Variants in AKT3 observed in about 807,000 individuals in gnomAD.
AKT3 encodes the protein RAC-gamma serine/threonine-protein kinase.
AKT3 carries 15 observed loss-of-function variants against 65.3 expected under a neutral mutation model. The ratio of observed to expected loss-of-function variants is 0.23; its 90% CI spans 0.15 to 0.35. The LOEUF (loss-of-function observed/expected upper bound fraction) is 0.35. Among genes scored for constraint, AKT3 ranks in the 10% least tolerant of loss-of-function variants. The pLI is 1.00. For missense variants in AKT3, 243 were observed against 576.5 expected, an observed-to-expected ratio of 0.42 and a Z score of 5.92; for synonymous variants, 206 against 183.8, an observed-to-expected ratio of 1.12 and a Z score of -0.98.
At chr1:243,822,777 G>A (rs1374096112) in intron 2 of AKT3, among the ~76,000 whole-genome samples, 1 of 152,116 alleles carries the variant, frequency 6.6e-6, no homozygotes, top group African/African-American at 2.4e-5. Flanking sequence ...CTGAAATTGA[G>A]GCAGTAATAA....
At chr1:243,515,767 G>A (rs1466905257) in intron 12 of AKT3, among the ~76,000 whole-genome samples, 1 of 152,200 alleles carries the variant, frequency 6.6e-6, no homozygotes, top group Non-Finnish European at 1.5e-5. Flanking sequence ...GAGGCAGGCA[G>A]ATCACCAGGT....
At chr1:243,643,883 A>G (rs920747074) in intron 5 of AKT3, among the ~76,000 whole-genome samples, 1 of 152,252 alleles carries the variant, frequency 6.6e-6, no homozygotes, top group Non-Finnish European at 1.5e-5. Context: ...AATTCTTTGC[A>G]TGATAATTGA....
rs148232822 is a variant in AKT3 at position 243,840,781 on chromosome 1, T to G, written c.46+2344A>C. 1.6e-3 allele frequency among the ~76,000 whole-genome samples: 242 copies of G among 152,104 alleles called. 6 individuals are homozygous for G. In the East Asian group the frequency reaches 0.04, roughly 25 times the overall value. ...AATGTCTGAACACTCTAAAGTTAACTGTTAAACAGCTATAAGTTTAATCAT... is the reference window on the plus strand; with the variant it reads ...AATGTCTGAACACTCTAAAGTTAACGGTTAAACAGCTATAAGTTTAATCAT... On this transcript the variant is annotated intron_variant, in intron 2 of 13. Transcript: ENST00000673466.
intron 13 of AKT3, among the ~76,000 whole-genome samples, chr1:243,491,083 A>G (rs1666288897): frequency 6.6e-6 from 1 of 152,212 alleles, no homozygotes; most frequent in Non-Finnish European, 1.5e-5. Flanking sequence ...AAGCTGGAGC[A>G]CACGGCAGCT....
At chr1:243,567,707 G>A (rs927743439) in intron 9 of AKT3, among the ~76,000 whole-genome samples, 12 of 151,972 alleles carry the variant, frequency 7.9e-5, no homozygotes, top group Middle Eastern at 3.4e-3. Flanking sequence ...ATCCTAAAAC[G>A]TTGTTTTGCT....
chr1:243,809,415 A>G (rs1361712999), intron 2 of AKT3, among the ~76,000 whole-genome samples: 2 of 152,212 alleles, frequency 1.3e-5, no homozygotes, highest in African/African-American at 4.8e-5. Flanking sequence ...TTAAACCAAT[A>G]AAGATCAAAA....
At chr1:243,697,969 A>G (rs1685167972) in intron 2 of AKT3, among the ~76,000 whole-genome samples, 1 of 148,296 alleles carries the variant, frequency 6.7e-6, no homozygotes, top group Admixed American at 6.7e-5. Flanking sequence ...AAAGAAATTT[A>G]AAGAAAAAAG....
chr1:243,771,815 A>G (rs1486279504), intron 2 of AKT3, among the ~76,000 whole-genome samples: 2 of 152,184 alleles, frequency 1.3e-5, no homozygotes, highest in Non-Finnish European at 2.9e-5. Flanking sequence ...TAACCAAAAC[A>G]GCATGGTACT....
At position 243,503,539 on chromosome 1, in the gene AKT3, A is replaced by G. The variant is rs1669474168; in HGVS notation, c.*1710T>C. 1 of 233,254 alleles carries G rather than the reference A, an allele frequency of 4.3e-6. No homozygotes were observed. Among genetic ancestry groups the G allele is most frequent in the Admixed American group, 5.6e-5 (1 of 17,768 alleles). 14.4% of individuals were successfully genotyped at this position (233,254 alleles called of 1,614,324 possible). A position where few individuals can be genotyped will look rare whatever the true frequency, so the allele number is the denominator to read the frequency against. Reference sequence around the variant, plus strand: ...GCCGCAAGAGTGGCCCCCAGCCCCTAGGACTTCACAGGCTGCTTTGGAAAT... The same window carrying G: ...GCCGCAAGAGTGGCCCCCAGCCCCTGGGACTTCACAGGCTGCTTTGGAAAT... On this transcript the variant is annotated 3_prime_UTR_variant, in exon 14 of 14. Coordinates refer to ENST00000673466, the MANE Select transcript of AKT3 (RefSeq NM_005465.7).
intron 3 of AKT3, among the ~76,000 whole-genome samples, chr1:243,671,333 G>T (rs1298955955): frequency 6.6e-6 from 1 of 152,064 alleles, no homozygotes; most frequent in Non-Finnish European, 1.5e-5. Flanking sequence ...GCCCACCTCG[G>T]CCTCCCAAAG....
chr1:243,740,890 T>TG (rs1572259077), intron 2 of AKT3: 3 of 152,312 alleles, frequency 2.0e-5, no homozygotes, highest in South Asian at 4.1e-4. Context: ...GAATGACTTA[T>TG]GCCATGACCT....
intron 4 of AKT3, among the ~76,000 whole-genome samples, chr1:243,648,083 C>T (rs1425830502): frequency 6.6e-6 from 1 of 151,832 alleles, no homozygotes; most frequent in African/African-American, 2.4e-5. Flanking sequence ...CATGGTGAAA[C>T]CTCGTCTCTA....
At chr1:243,606,158 A>G (rs1337018743) in intron 8 of AKT3, among the ~76,000 whole-genome samples, 1 of 152,212 alleles carries the variant, frequency 6.6e-6, no homozygotes, top group Non-Finnish European at 1.5e-5. Flanking sequence ...AGAACAGAGA[A>G]TGGACTAATA....
At chr1:243,703,233 T>C (rs1685577980) in intron 2 of AKT3, among the ~76,000 whole-genome samples, 2 of 152,094 alleles carry the variant, frequency 1.3e-5, no homozygotes, top group Admixed American at 6.6e-5. Flanking sequence ...CAAAAAATAC[T>C]GTATAGTCCA....
At chr1:243,798,651 GCAAA>G (rs1168226610) in intron 2 of AKT3, among the ~76,000 whole-genome samples, 1 of 151,952 alleles carries the variant, frequency 6.6e-6, no homozygotes, top group Non-Finnish European at 1.5e-5. Flanking sequence ...CTCCTAGACA[GCAAA>G]CAAACACACT....
chr1:243,721,367 A>G (rs983643132), intron 2 of AKT3, among the ~76,000 whole-genome samples: 11 of 152,152 alleles, frequency 7.2e-5, no homozygotes, highest in Non-Finnish European at 1.2e-4. Flanking sequence ...CAGTCTATTA[A>G]TATTAGATCA....
chr1:243,541,250 G>A (rs1672294658), intron 12 of AKT3, among the ~76,000 whole-genome samples: 1 of 152,134 alleles, frequency 6.6e-6, no homozygotes, highest in South Asian at 2.1e-4. Flanking sequence ...CTGTAAGGAA[G>A]ACATGTCCCT....
intron 11 of AKT3, among the ~76,000 whole-genome samples, chr1:243,547,774 A>G (rs545829025): frequency 6.6e-6 from 1 of 152,356 alleles, no homozygotes; most frequent in Non-Finnish European, 1.5e-5. Flanking sequence ...CACAATTAAA[A>G]TGGAAAACAG....
intron 2 of AKT3, among the ~76,000 whole-genome samples, chr1:243,811,460 C>G (rs941561547): frequency 6.6e-6 from 1 of 152,172 alleles, no homozygotes; most frequent in Non-Finnish European, 1.5e-5. Flanking sequence ...ATCCAACTTA[C>G]AAGGGATGTG....
Sources: gnomAD v4.1 joint callset for allele counts (sites outside exome capture counted in the v4.1 genomes callset) on GRCh38, gnomAD v4.1.1 for gene constraint, MANE v1.5 for transcripts, NCBI Gene and HGNC (gene_info 2026-07-23, HGNC 2026-07-21) for gene names.